Variants in IP6K1 observed in about 807,000 individuals in gnomAD.
IP6K1 encodes the protein ATP:1D-myo-inositol-hexakisphosphate phosphotransferase.
A neutral mutation model predicts 38.3 loss-of-function variants in IP6K1; 13 were observed. That is an observed-to-expected ratio of 0.34 (90% CI 0.22 to 0.54). The LOEUF is 0.54. Ranked by LOEUF, IP6K1 falls within the 20% of genes least tolerant of loss-of-function variation. IP6K1 has a pLI of 0.92. For synonymous variants in IP6K1, 212 were observed against 229.9 expected, an observed-to-expected ratio of 0.92 and a Z score of 0.70; for missense variants, 397 against 599.8, an observed-to-expected ratio of 0.66 and a Z score of 3.53.
At chr3:49,762,532 A>T (rs1159174333) in intron 1 of IP6K1, among the ~76,000 whole-genome samples, 2 of 152,140 alleles carry the variant, frequency 1.3e-5, no homozygotes, top group Admixed American at 6.6e-5. Context: ...CCTGGGCAAC[A>T]GAGCGAGACT....
intron 1 of IP6K1, among the ~76,000 whole-genome samples, chr3:49,763,317 G>A (rs1285481878): frequency 6.6e-6 from 1 of 150,856 alleles, no homozygotes; most frequent in Non-Finnish European, 1.5e-5. Context: ...GTGTTAGCCA[G>A]GATGGTCTCG....
At chr3:49,745,580 C>T (rs558830463) in intron 2 of IP6K1, among the ~76,000 whole-genome samples, 1 of 152,272 alleles carries the variant, frequency 6.6e-6, no homozygotes. Flanking sequence ...ATTAGCCAGG[C>T]ATGGTGGCAC....
intron 1 of IP6K1, among the ~76,000 whole-genome samples, chr3:49,754,682 G>A (rs2080807463): frequency 6.6e-6 from 1 of 152,138 alleles, no homozygotes; most frequent in African/African-American, 2.4e-5. Context: ...CAGGGAAAAA[G>A]AGACTGCAAT....
chr3:49,746,012 CCA>C (rs1010022807), intron 2 of IP6K1, among the ~76,000 whole-genome samples: 1 of 152,138 alleles, frequency 6.6e-6, no homozygotes, highest in African/African-American at 2.4e-5. Flanking sequence ...GCCACAGATA[CCA>C]CACACATCCA....
At chr3:49,747,214 T>TG (rs2080727899) in intron 2 of IP6K1, among the ~76,000 whole-genome samples, 5 of 152,086 alleles carry the variant, frequency 3.3e-5, no homozygotes, top group Admixed American at 3.3e-4. Flanking sequence ...TTAGACACAA[T>TG]GAGCAATCAT....
chr3:49,758,137 G>A (rs748300387), intron 1 of IP6K1, among the ~76,000 whole-genome samples: 4 of 151,700 alleles, frequency 2.6e-5, no homozygotes, highest in East Asian at 2.0e-4. Context: ...GTGAAACCCC[G>A]TCTCTACTAA....
rs2080508229 is a variant in IP6K1, at chr3:49,726,831, ACCCTGT to A, written c.*285_*290del. On this transcript the variant is annotated 3_prime_UTR_variant, in exon 6 of 6. Coordinates refer to ENST00000321599, the MANE Select transcript of IP6K1 (RefSeq NM_153273.4). ...ACAAGAGAAACCAATGTCCAAGGGC[ACCCTGT>A]CCCTGCTGCCAAGCCCACCAGGGGC... is the stretch of plus-strand genomic sequence containing the variant. The A allele has an allele frequency of 2.2e-6, 1 of 453,336 alleles. No homozygotes were observed. The highest frequency in any genetic ancestry group is 3.9e-6 in the Non-Finnish European group (1 of 258,778). 28.1% of individuals were successfully genotyped at this position (453,336 alleles called of 1,614,324 possible).
At position 49,738,200 on chromosome 3, in the gene IP6K1, T is replaced by G; in HGVS notation, c.434+12A>C. On this transcript the variant is annotated intron_variant, in intron 3 of 5. Coordinates refer to ENST00000321599, the MANE Select transcript of IP6K1 (RefSeq NM_153273.4). ...GTGCTTGTACCAGCAGGACGAAACA[T>G]GTACCTCTTACCTCTCAGAGGTCTC... is the stretch of plus-strand genomic sequence containing the variant. The G allele has an allele frequency of 4.4e-6, 7 of 1,607,550 alleles. No homozygotes were observed. Among genetic ancestry groups the G allele is most frequent in the Non-Finnish European group, 6.0e-6 (7 of 1,174,102 alleles).
intron 1 of IP6K1, among the ~76,000 whole-genome samples, chr3:49,750,724 A>G (rs1397418758): frequency 6.6e-6 from 1 of 151,956 alleles, no homozygotes; most frequent in Non-Finnish European, 1.5e-5. Context: ...AAATTGAAAT[A>G]GCCCTTCCCC....
At chr3:49,776,095 G>A (rs1239927656) in intron 1 of IP6K1, among the ~76,000 whole-genome samples, 1 of 151,348 alleles carries the variant, frequency 6.6e-6, no homozygotes, top group African/African-American at 2.4e-5. Context: ...TAACACTTGC[G>A]CTATTGTCAT....
At chr3:49,734,149 TAATAA>T (rs566893601) in intron 3 of IP6K1, among the ~76,000 whole-genome samples, 2 of 151,744 alleles carry the variant, frequency 1.3e-5, no homozygotes, top group Admixed American at 6.6e-5. Context: ...AATAAATAAA[TAATAA>T]AATAAAATAA....
chr3:49,775,703 G>GCCC, intron 1 of IP6K1: 1 of 426,282 alleles, frequency 2.3e-6, no homozygotes, highest in South Asian at 5.0e-5. Context: ...AGGGAGCAGA[G>GCCC]CCCAGAGCAT....
At chr3:49,742,407 G>T (rs1240467159) in intron 2 of IP6K1, among the ~76,000 whole-genome samples, 1 of 152,022 alleles carries the variant, frequency 6.6e-6, no homozygotes, top group Non-Finnish European at 1.5e-5. Context: ...AAATTAGCCG[G>T]GCGTGGTGGT....
intron 1 of IP6K1, among the ~76,000 whole-genome samples, chr3:49,763,808 G>T (rs1575322000): frequency 6.6e-6 from 1 of 151,996 alleles, no homozygotes; most frequent in African/African-American, 2.4e-5. Context: ...TTGGGGTCAG[G>T]AGTTCGAAAC....
At chr3:49,775,380 T>A in intron 1 of IP6K1, 1 of 357,198 alleles carries the variant, frequency 2.8e-6, no homozygotes, top group Non-Finnish European at 5.4e-6. Flanking sequence ...AGTGTGTGAT[T>A]TGTGACTTTG....
intron 4 of IP6K1, 126 bp from the exon 5 acceptor site, chr3:49,728,404 A>T (rs773983764): frequency 2.4e-6 from 2 of 825,038 alleles, no homozygotes; most frequent in African/African-American, 3.4e-5. Context: ...CAAACTCTCA[A>T]ATATGGGTTT....
intron 1 of IP6K1, among the ~76,000 whole-genome samples, chr3:49,768,814 G>A (rs1440023060): frequency 6.6e-6 from 1 of 151,992 alleles, no homozygotes; most frequent in Non-Finnish European, 1.5e-5. Flanking sequence ...GAGACAAAAA[G>A]ATTATTAAGA....
At chr3:49,767,582 AAATAAT>A (rs71631027) in intron 1 of IP6K1, among the ~76,000 whole-genome samples, 39,682 of 151,326 alleles carry the variant, frequency 0.26, 5,437 homozygotes, top group Non-Finnish European at 0.31. Context: ...CCATCTCAAA[AAATAAT>A]AATAATAATA....
In IP6K1 at chr3:49,725,989, A is replaced by AC. The variant is rs1293558020; in HGVS notation, c.*1132dup. 2.0e-5 allele frequency: 3 copies of AC among 152,250 alleles called. No individual in the cohort carries two copies. Among genetic ancestry groups the AC allele is most frequent in the African/African-American group, 7.3e-5 (3 of 41,342 alleles). 9.4% of individuals were successfully genotyped at this position (152,250 alleles called of 1,614,324 possible). On this transcript the variant is annotated 3_prime_UTR_variant, in exon 6 of 6. Coordinates refer to ENST00000321599, the MANE Select transcript of IP6K1 (RefSeq NM_153273.4). ...AGTATATACTAATGAACAAGGCTAC[A>AC]CCCCAGGGGAAGGATCCCAAGGGAC...
Sources: gnomAD v4.1 joint callset for allele counts (sites outside exome capture counted in the v4.1 genomes callset) on GRCh38, gnomAD v4.1.1 for gene constraint, MANE v1.5 for transcripts, NCBI Gene and HGNC (gene_info 2026-07-23, HGNC 2026-07-21) for gene names.